Variants in RHOJ observed in about 807,000 individuals in gnomAD.
RHOJ encodes rho-related GTP-binding protein RhoJ.
RHOJ carries 11 observed loss-of-function variants against 23.4 expected under a neutral mutation model. The ratio of observed to expected loss-of-function variants is 0.47; its 90% CI spans 0.30 to 0.78. The LOEUF is 0.78. Ranked by LOEUF, RHOJ falls within the 30% of genes least tolerant of loss-of-function variation. The probability of loss-of-function intolerance (pLI) is 0.08; values close to 1 mark genes in which losing one functional copy is unlikely to be tolerated. For missense variants in RHOJ, 254 were observed against 273.4 expected, an observed-to-expected ratio of 0.93 and a Z score of 0.50; for synonymous variants, 102 against 102.7, an observed-to-expected ratio of 0.99 and a Z score of 0.04.
intron 2 of RHOJ, among the ~76,000 whole-genome samples, chr14:63,278,526 A>T (rs1881802584): frequency 6.6e-6 from 1 of 152,104 alleles, no homozygotes; most frequent in African/African-American, 2.4e-5. Context: ...TGCTGCACCC[A>T]TCAACCCGTT....
intron 3 of RHOJ, among the ~76,000 whole-genome samples, chr14:63,281,965 C>T (rs565372178): frequency 5.3e-5 from 8 of 152,062 alleles, no homozygotes; most frequent in African/African-American, 1.9e-4. Flanking sequence ...TTTTTTAACA[C>T]AAAGGAGAGA....
At chr14:63,253,410 T>G (rs1014975083) in intron 1 of RHOJ, among the ~76,000 whole-genome samples, 4 of 152,002 alleles carry the variant, frequency 2.6e-5, no homozygotes, top group Non-Finnish European at 5.9e-5. Context: ...AATTTTTTTT[T>G]TTTTAGAGAT....
At chr14:63,278,892 G>A (rs1055091027) in intron 2 of RHOJ, among the ~76,000 whole-genome samples, 1 of 152,090 alleles carries the variant, frequency 6.6e-6, no homozygotes, top group African/African-American at 2.4e-5. Flanking sequence ...AGGCTGAAGT[G>A]GGAGTATCGC....
At chr14:63,290,755 A>C (rs1882223011) in intron 4 of RHOJ, 123 bp from the exon 5 acceptor site, 8 of 858,828 alleles carry the variant, frequency 9.3e-6, no homozygotes, top group Middle Eastern at 2.4e-4. Flanking sequence ...AACATAATCC[A>C]AACCACCCCA....
At chr14:63,247,141 G>A (rs1413577347) in intron 1 of RHOJ, among the ~76,000 whole-genome samples, 1 of 152,150 alleles carries the variant, frequency 6.6e-6, no homozygotes, top group African/African-American at 2.4e-5. Flanking sequence ...AATGAAGAAT[G>A]GAGTAGCCAG....
intron 2 of RHOJ, among the ~76,000 whole-genome samples, chr14:63,275,910 C>T (rs1881705362): frequency 1.3e-5 from 2 of 152,158 alleles, no homozygotes; most frequent in African/African-American, 2.4e-5. Context: ...CCCCAACCCC[C>T]AGTCCCAAGG....
intron 1 of RHOJ, among the ~76,000 whole-genome samples, chr14:63,218,472 G>A (rs927010297): frequency 2.6e-5 from 4 of 152,146 alleles, no homozygotes; most frequent in Non-Finnish European, 4.4e-5. Context: ...ATAGATCACT[G>A]TGTTTTATAG....
chr14:63,247,317 T>G (rs1894993961), intron 1 of RHOJ, among the ~76,000 whole-genome samples: 1 of 152,216 alleles, frequency 6.6e-6, no homozygotes, highest in Non-Finnish European at 1.5e-5. Context: ...GGTGTTTCCC[T>G]GCTCACCAAA....
intron 2 of RHOJ, among the ~76,000 whole-genome samples, chr14:63,272,754 G>A (rs1016376148): frequency 1.3e-4 from 20 of 152,130 alleles, no homozygotes; most frequent in African/African-American, 2.9e-4. Context: ...GGCTGGGCAC[G>A]GTGGCTCATG....
chr14:63,236,559 C>T (rs373444956), intron 1 of RHOJ, among the ~76,000 whole-genome samples: 9 of 152,114 alleles, frequency 5.9e-5, no homozygotes, highest in African/African-American at 1.9e-4. Flanking sequence ...AAGAACGGCA[C>T]GGGAAAAACC....
intron 4 of RHOJ, among the ~76,000 whole-genome samples, chr14:63,287,629 A>G (rs1007204053): frequency 5.7e-5 from 8 of 139,656 alleles, no homozygotes; most frequent in Non-Finnish European, 1.2e-4. Flanking sequence ...TCACTCTTGT[A>G]TCTTCTGTAC....
chr14:63,268,643 C>G (rs1213387001), intron 1 of RHOJ, among the ~76,000 whole-genome samples: 2 of 152,132 alleles, frequency 1.3e-5, no homozygotes, highest in African/African-American at 4.8e-5. Flanking sequence ...TGATAATATT[C>G]TTTGTTTTTA....
intron 1 of RHOJ, among the ~76,000 whole-genome samples, chr14:63,255,453 G>A (rs1271774474): frequency 6.6e-6 from 1 of 152,200 alleles, no homozygotes; most frequent in Non-Finnish European, 1.5e-5. Context: ...CTGCAGACCA[G>A]TAGCAAGGGC....
At chr14:63,231,516 C>T (rs926609273) in intron 1 of RHOJ, among the ~76,000 whole-genome samples, 14 of 152,150 alleles carry the variant, frequency 9.2e-5, no homozygotes, top group African/African-American at 3.1e-4. Flanking sequence ...CGTTGTATAG[C>T]CATGTTAGGA....
In RHOJ at chr14:63,283,135, T is replaced by C. The variant is rs1172208086; in HGVS notation, c.417T>C (p.Asp139=). The change falls in exon 4 of 5, where the codon GAT becomes GAC. Residue 139 remains aspartate, a synonymous_variant. Coordinates refer to ENST00000316754, the MANE Select transcript of RHOJ (RefSeq NM_020663.5). Reference sequence around the variant, plus strand: ...TTTCTTGCCAGATTGATCTCCGTGATGACCCAAAAACCTTGGCCCGTTTGC... The same window carrying C: ...TTTCTTGCCAGATTGATCTCCGTGACGACCCAAAAACCTTGGCCCGTTTGC... The part of the protein sequence containing the change: ...VLIGTQIDLR[D]DPKTLARLLY... 2 of 1,614,018 alleles carry C rather than the reference T, an allele frequency of 1.2e-6. No homozygotes were observed. Among genetic ancestry groups the C allele is most frequent in the East Asian group, 2.2e-5 (1 of 44,886 alleles).
chr14:63,269,420 C>A (rs1427380295), intron 2 of RHOJ: 4 of 360,222 alleles, frequency 1.1e-5, no homozygotes, highest in Non-Finnish European at 2.0e-5. Context: ...CCATCAAAAA[C>A]CAGAATAACA....
At chr14:63,217,569 C>T (rs1170903851) in intron 1 of RHOJ, among the ~76,000 whole-genome samples, 4 of 151,924 alleles carry the variant, frequency 2.6e-5, no homozygotes, top group African/African-American at 9.7e-5. Context: ...AAACGTTAGA[C>T]CTAAAACCAT....
chr14:63,264,707 A>C (rs1895336113), intron 1 of RHOJ, among the ~76,000 whole-genome samples: 1 of 152,216 alleles, frequency 6.6e-6, no homozygotes, highest in Non-Finnish European at 1.5e-5. Context: ...CTTTTCAGTA[A>C]TAGCCATTCT....
At chr14:63,241,732 C>T (rs1369103826) in intron 1 of RHOJ, among the ~76,000 whole-genome samples, 3 of 152,104 alleles carry the variant, frequency 2.0e-5, no homozygotes, top group South Asian at 2.1e-4. Context: ...GGCGCAAAGC[C>T]CCATCGGCAC....
Sources: allele counts gnomAD v4.1 joint callset (sites outside exome capture counted in the v4.1 genomes callset), GRCh38; gene constraint gnomAD v4.1.1; transcripts MANE v1.5; gene names NCBI Gene and HGNC (gene_info 2026-07-23, HGNC 2026-07-21).